ERN1: variants seen among roughly 807,000 people sequenced by gnomAD.
The protein encoded by ERN1 is endoplasmic reticulum to nucleus signaling 1.
Under a neutral mutation model 113.1 loss-of-function variants are expected in ERN1, and 39 were observed. The observed-to-expected ratio is 0.34, with a 90% CI of 0.27 to 0.45. ERN1 has a LOEUF of 0.45. ERN1 is among the 20% of genes least tolerant of loss of function. ERN1 has a pLI of 1.00. For synonymous variants in ERN1, 507 were observed against 515.9 expected, an observed-to-expected ratio of 0.98 and a Z score of 0.23; for missense variants, 976 against 1,274.8, an observed-to-expected ratio of 0.77 and a Z score of 3.57.
Position 64,112,586 on chromosome 17 carries a change from A to T in ERN1, c.55-14345T>A, listed in dbSNP as rs1914704101. On this transcript the variant is annotated intron_variant, in intron 1 of 21. Transcript: ENST00000433197. ...TTAAAAAGGTAGATTGTGGAGCCAG[A>T]CCACCTCAGGCAATCACTTACCTCT... Among the ~76,000 whole-genome samples, 2 of 152,188 alleles carry T rather than the reference A, an allele frequency of 1.3e-5. 1 individual carries two copies. The highest frequency in any genetic ancestry group is 2.9e-5 in the Non-Finnish European group (2 of 68,038).
rs573293082 is a variant in ERN1 at position 64,080,651 on chromosome 17, A to G, written c.209+124T>C. On this transcript the variant is annotated intron_variant, in intron 3 of 21. Transcript: ENST00000433197. ...CATCATAGCACCTGTAAGACTTTAT[A>G]TGTCACTCACTGTTATTCCTCAAAC... 2.5e-5 allele frequency: 21 copies of G among 837,646 alleles called. 1 individual carries two copies. In the South Asian group the frequency reaches 3.1e-4, roughly 13 times the overall value. 51.9% of individuals were successfully genotyped at this position (837,646 alleles called of 1,614,324 possible).
chr17:64,040,748 G>T lies in ERN1; in HGVS notation c.*3240C>A, dbSNP rs1912311543. The T allele has an allele frequency of 6.6e-6, 1 of 152,152 alleles. No homozygotes were observed. The highest frequency in any genetic ancestry group is 2.4e-5 in the African/African-American group (1 of 41,424). 9.4% of individuals were successfully genotyped at this position (152,152 alleles called of 1,614,324 possible). On this transcript the variant is annotated 3_prime_UTR_variant, in exon 22 of 22. Coordinates refer to ENST00000433197, the MANE Select transcript of ERN1 (RefSeq NM_001433.5). ...GGAGTGAGAACACCTGCGCACCCAG[G>T]ATTTCACACTTAGCCACTAGATTGC...
intron 1 of ERN1, chr17:64,129,212 G>GA (rs1407223858): frequency 6.6e-6 from 1 of 152,194 alleles, no homozygotes; most frequent in African/African-American, 2.4e-5. Flanking sequence ...GTCTCCTCCA[G>GA]AAAAAGATGA....
At chr17:64,077,234 C>G (rs889667857) in intron 4 of ERN1, among the ~76,000 whole-genome samples, 2 of 152,168 alleles carry the variant, frequency 1.3e-5, no homozygotes, top group Admixed American at 1.3e-4. Context: ...CCACTTACAG[C>G]CTAGATCAGT....
At position 64,044,851 on chromosome 17, in the gene ERN1, A is replaced by G. The variant is rs753989451; in HGVS notation, c.2721+9T>C. The G allele has an allele frequency of 4.4e-6, 7 of 1,574,404 alleles. No individual in the cohort carries two copies. In the South Asian group the frequency reaches 8.1e-5, roughly 18 times the overall value. On this transcript the variant is annotated intron_variant, in intron 21 of 21. Transcript: ENST00000433197. This position sits in a 1 kb window ranked among gnomAD's most constrained non-coding sequence, Gnocchi z 4.1. Reference sequence around the variant, plus strand: ...TGGGTCTCCTCCCCAGCATTTACAAACTGCTTACCTTATTTCTCATGGCTC... The same window carrying G: ...TGGGTCTCCTCCCCAGCATTTACAAGCTGCTTACCTTATTTCTCATGGCTC...
At chr17:64,097,370 T>A (rs969035681) in intron 2 of ERN1, among the ~76,000 whole-genome samples, 1 of 152,238 alleles carries the variant, frequency 6.6e-6, no homozygotes, top group African/African-American at 2.4e-5. Context: ...GTGAAAGTAA[T>A]GAGTCACAGA....
chr17:64,045,441 C>T lies in ERN1; in HGVS notation c.2571G>A (p.Pro857=), dbSNP rs776989650. Reference sequence around the variant, plus strand: ...CGCCTCTCTCTAACTGCTTCACGATCGGGCCATCCAGGGATTCCTTTTCTA... The same window carrying T: ...CGCCTCTCTCTAACTGCTTCACGATTGGGCCATCCAGGGATTCCTTTTCTA... The part of the protein sequence containing the change: ...DRIEKESLDG[P]IVKQLERGGR... The change falls in exon 20 of 22, where the codon CCG becomes CCA. Residue 857 remains proline (P), a synonymous_variant. Transcript: ENST00000433197. 31 of 1,613,872 alleles carry T rather than the reference C, an allele frequency of 1.9e-5. No individual in the cohort carries two copies. The highest frequency in any genetic ancestry group is 1.0e-4 in the Admixed American group (6 of 60,012).
At position 64,055,859 on chromosome 17, in the gene ERN1, C is replaced by T. The variant is rs1912850268; in HGVS notation, c.1488G>A (p.Leu496=). ...IQLLQQQQQQ[L]PFHPPGDTAQ... is the part of the protein sequence containing the mutation. ...CCGTGTCTCCAGGTGGGTGGAAGGG[C>T]AGCTGCTGCTGCTGCTGCTGCAGGA... Residue 496 remains leucine (L), a synonymous_variant, in exon 13 of 22, where the codon CTG becomes CTA. Coordinates refer to ENST00000433197, the MANE Select transcript of ERN1 (RefSeq NM_001433.5). 6.4e-7 allele frequency: 1 copy of T among 1,552,596 alleles called. No individual in the cohort carries two copies. The highest frequency in any genetic ancestry group is 8.7e-7 in the Non-Finnish European group (1 of 1,147,712).
Position 64,044,349 on chromosome 17 carries a change from G to T in ERN1, c.2722-149C>A. On this transcript the variant is annotated intron_variant, in intron 21 of 21. Coordinates refer to ENST00000433197, the MANE Select transcript of ERN1 (RefSeq NM_001433.5). This position sits in a 1 kb window ranked among gnomAD's most constrained non-coding sequence, Gnocchi z 4.1. ...AAAGAAAAAAGGCTTATGTATCCAA[G>T]AATCCAGCCCCGTCATCTCGCCTGC... 1.7e-6 allele frequency: 1 copy of T among 600,598 alleles called. No homozygotes were observed. Among genetic ancestry groups the T allele is most frequent in the South Asian group, 2.8e-5 (1 of 35,650 alleles). The allele number at this position is 600,598 out of a possible 1,614,324, so 37.2% of individuals were successfully genotyped here. A position where few individuals can be genotyped will look rare whatever the true frequency, so the allele number is the denominator to read the frequency against.
At chr17:64,115,011 G>T (rs1407013956) in intron 1 of ERN1, among the ~76,000 whole-genome samples, 1 of 152,096 alleles carries the variant, frequency 6.6e-6, no homozygotes. Context: ...ATCATGCATG[G>T]AATCAGAAAG....
chr17:64,100,781 C>CAATA lies in ERN1; in HGVS notation c.55-2544_55-2541dup, dbSNP rs58244964. On this transcript the variant is annotated intron_variant, in intron 1 of 21. Transcript: ENST00000433197. The stretch of plus-strand genomic sequence containing the variant: ...TGGGTGACAGAGTGAGACTCTGTCT[C>CAATA]AATAAATAAATAAATAAATAAATAA... Among the ~76,000 whole-genome samples the CAATA allele has an allele frequency of 6.3e-3, 961 of 151,516 alleles. 5 individuals are homozygous for CAATA. Among genetic ancestry groups the CAATA allele is most frequent in the African/African-American group, 0.016 (646 of 41,160 alleles).
intron 1 of ERN1, 93 bp from the exon 2 acceptor site, chr17:64,098,334 C>T: frequency 6.9e-7 from 1 of 1,453,200 alleles, no homozygotes; most frequent in Non-Finnish European, 9.6e-7. Context: ...GGTTATCCTA[C>T]TAAAACCCTC....
Position 64,041,876 on chromosome 17 carries a change from G to A in ERN1, c.*2112C>T, listed in dbSNP as rs939277306. The A allele has an allele frequency of 2.0e-5, 3 of 152,186 alleles. No homozygotes were observed. Among genetic ancestry groups the A allele is most frequent in the East Asian group, 1.9e-4 (1 of 5,206 alleles). The allele number at this position is 152,186 out of a possible 1,614,324, so 9.4% of individuals were successfully genotyped here. A position where few individuals can be genotyped will look rare whatever the true frequency, so the allele number is the denominator to read the frequency against. ...GAATAAATGATTTTGAGAAATCTGC[G>A]TGGTTAGAAACTAGTATGATAAGCA... On this transcript the variant is annotated 3_prime_UTR_variant, in exon 22 of 22. Coordinates refer to ENST00000433197, the MANE Select transcript of ERN1 (RefSeq NM_001433.5).
At chr17:64,082,804 C>G (rs544969606) in intron 2 of ERN1, among the ~76,000 whole-genome samples, 1 of 152,124 alleles carries the variant, frequency 6.6e-6, no homozygotes, top group African/African-American at 2.4e-5. Context: ...TGGCAGGAGA[C>G]AGGGGAAGAT....
Position 64,064,078 on chromosome 17 carries a change from C to T in ERN1, c.995G>A (p.Cys332Tyr), listed in dbSNP as rs1198030451. The T allele has an allele frequency of 3.1e-6, 5 of 1,613,426 alleles. No homozygotes were observed. The highest frequency in any genetic ancestry group is 4.2e-6 in the Non-Finnish European group (5 of 1,179,672). Reference protein sequence around the residue: ...DGVTIGDKGECVITPSTDVKF... With the variant: ...DGVTIGDKGEYVITPSTDVKF... ...GACGTCCGTGCTGGGCGTGATCACA[C>T]ACTCCCCCTTGTCCCCAATGGTGAC... The change falls in exon 10 of 22, where the codon TGT becomes TAT. Residue 332 changes from cysteine to tyrosine, a missense_variant. Physicochemically the swap from Cys to Tyr is radical, Grantham distance 194. Transcript: ENST00000433197.
At position 64,039,362 on chromosome 17, in the gene ERN1, A is replaced by G. The variant is rs2143297501; in HGVS notation, c.*4626T>C. On this transcript the variant is annotated 3_prime_UTR_variant, in exon 22 of 22. Transcript: ENST00000433197. ...TTTTGGGTTCCACAAAGAAGACTGTATCACACAATTAACACGTACTAATTA... is the reference window on the plus strand; with the variant it reads ...TTTTGGGTTCCACAAAGAAGACTGTGTCACACAATTAACACGTACTAATTA... 6.6e-6 allele frequency: 1 copy of G among 152,366 alleles called. No homozygotes were observed. Among genetic ancestry groups the G allele is most frequent in the African/African-American group, 2.4e-5 (1 of 41,584 alleles). 9.4% of individuals were successfully genotyped at this position (152,366 alleles called of 1,614,324 possible).
intron 1 of ERN1, among the ~76,000 whole-genome samples, chr17:64,127,792 A>G (rs763578470): frequency 2.0e-5 from 3 of 151,632 alleles, no homozygotes; most frequent in African/African-American, 7.3e-5. Flanking sequence ...TAGTAGTAGT[A>G]GTAAAAGAAT....
intron 7 of ERN1, chr17:64,067,760 G>C (rs1312957361): frequency 6.4e-6 from 1 of 156,872 alleles, no homozygotes; most frequent in Non-Finnish European, 1.4e-5. Context: ...CAATGTTAAG[G>C]TGGCAAATTG....
chr17:64,126,633 T>C (rs910152891), intron 1 of ERN1, among the ~76,000 whole-genome samples: 3 of 152,202 alleles, frequency 2.0e-5, no homozygotes, highest in Admixed American at 6.5e-5. Context: ...ACAATACACA[T>C]GTGCACAACT....
Sources: gnomAD v4.1 joint callset for allele counts (sites outside exome capture counted in the v4.1 genomes callset) on GRCh38, gnomAD v4.1.1 for gene constraint, Gnocchi (gnomAD v3.1) non-coding constraint, MANE v1.5 for transcripts, NCBI Gene and HGNC (gene_info 2026-07-23, HGNC 2026-07-21) for gene names.